FAF1: variants seen among roughly 807,000 people sequenced by gnomAD.
FAF1 encodes Fas associated factor 1.
Under a neutral mutation model 92.5 loss-of-function variants are expected in FAF1, and 25 were observed. The ratio of observed to expected loss-of-function variants is 0.27; its 90% CI spans 0.20 to 0.38. The LOEUF (loss-of-function observed/expected upper bound fraction) is 0.38. Ranked by LOEUF, FAF1 falls within the 10% of genes least tolerant of loss-of-function variation. FAF1 has a pLI of 1.00. For missense variants in FAF1, 636 were observed against 793.3 expected, an observed-to-expected ratio of 0.80 and a Z score of 2.38; for synonymous variants, 234 against 273.2, an observed-to-expected ratio of 0.86 and a Z score of 1.42.
intron 8 of FAF1, among the ~76,000 whole-genome samples, chr1:50,648,714 G>A (rs536667900): frequency 7.2e-5 from 11 of 152,224 alleles, no homozygotes; most frequent in African/African-American, 2.2e-4. Flanking sequence ...ATCACCTGAG[G>A]TAGGAAGTTC....
chr1:50,713,457 A>T (rs1569818370), intron 6 of FAF1, among the ~76,000 whole-genome samples: 1 of 151,988 alleles, frequency 6.6e-6, no homozygotes, highest in Non-Finnish European at 1.5e-5. Flanking sequence ...TATTTTTAGT[A>T]GAGACGGTGT....
intron 2 of FAF1, among the ~76,000 whole-genome samples, chr1:50,829,388 A>T (rs924973307): frequency 1.3e-5 from 2 of 152,130 alleles, no homozygotes; most frequent in African/African-American, 4.8e-5. Context: ...TTTTAATGAG[A>T]TCTCACAGTT....
At chr1:50,887,076 C>G (rs1265410681) in intron 1 of FAF1, among the ~76,000 whole-genome samples, 1 of 152,218 alleles carries the variant, frequency 6.6e-6, no homozygotes, top group Non-Finnish European at 1.5e-5. Context: ...GCCATTCTAA[C>G]TGGTGTGAGA....
intron 15 of FAF1, among the ~76,000 whole-genome samples, chr1:50,525,823 A>G (rs772641816): frequency 7.2e-5 from 11 of 152,172 alleles, no homozygotes; most frequent in African/African-American, 9.7e-5. Context: ...TCAGAGTTAC[A>G]GATTATGTTG....
At chr1:50,603,217 T>C (rs1652226695) in intron 8 of FAF1, among the ~76,000 whole-genome samples, 1 of 152,214 alleles carries the variant, frequency 6.6e-6, no homozygotes, top group African/African-American at 2.4e-5. Flanking sequence ...ATACCATCCA[T>C]TAGTCAGAAA....
At chr1:50,913,981 A>C (rs1644904086) in intron 1 of FAF1, among the ~76,000 whole-genome samples, 1 of 152,226 alleles carries the variant, frequency 6.6e-6, no homozygotes, top group African/African-American at 2.4e-5. Context: ...CCTGTGGTCA[A>C]TGTAAAAATG....
intron 18 of FAF1, among the ~76,000 whole-genome samples, chr1:50,460,642 CT>C (rs772133324): frequency 2.7e-5 from 4 of 149,558 alleles, no homozygotes; most frequent in African/African-American, 7.4e-5. Flanking sequence ...TATACACACA[CT>C]TTTTTTTTGA....
intron 2 of FAF1, among the ~76,000 whole-genome samples, chr1:50,847,701 C>G (rs950072171): frequency 6.6e-5 from 10 of 152,096 alleles, no homozygotes; most frequent in African/African-American, 2.4e-4. Flanking sequence ...CTAGAGGGAG[C>G]TGGTGGGCTC....
At chr1:50,950,360 C>A (rs995090594) in intron 1 of FAF1, among the ~76,000 whole-genome samples, 47 of 152,168 alleles carry the variant, frequency 3.1e-4, no homozygotes, top group African/African-American at 1.1e-3. Flanking sequence ...TTACTAAAAC[C>A]TAGAAAAGTA....
chr1:50,553,056 A>T (rs1649388213), intron 13 of FAF1, among the ~76,000 whole-genome samples: 1 of 152,228 alleles, frequency 6.6e-6, no homozygotes, highest in African/African-American at 2.4e-5. Flanking sequence ...AAGTATCACA[A>T]GGAAATTACA....
At chr1:50,836,656 G>T (rs1011995743) in intron 2 of FAF1, among the ~76,000 whole-genome samples, 2 of 151,946 alleles carry the variant, frequency 1.3e-5, no homozygotes, top group African/African-American at 4.8e-5. Context: ...ATCCTTTCTG[G>T]CCAAATACAT....
chr1:50,630,825 T>A (rs1653742249), intron 8 of FAF1, among the ~76,000 whole-genome samples: 1 of 140,810 alleles, frequency 7.1e-6, no homozygotes, highest in Non-Finnish European at 1.5e-5. Context: ...TAGTGTATCA[T>A]ATCTTTTTTT....
At chr1:50,535,805 A>G (rs1303109412) in intron 14 of FAF1, among the ~76,000 whole-genome samples, 3 of 152,194 alleles carry the variant, frequency 2.0e-5, no homozygotes, top group Non-Finnish European at 2.9e-5. Flanking sequence ...AACAACTACC[A>G]ATTGTTTATA....
Position 50,485,580 on chromosome 1 carries a change from T to G in FAF1, c.1653+5008A>C, listed in dbSNP as rs186533871. Among the ~76,000 whole-genome samples, 50 of 141,974 alleles carry G rather than the reference T, an allele frequency of 3.5e-4. 4 individuals carry two copies. Among genetic ancestry groups the G allele is most frequent in the African/African-American group, 1.3e-3 (49 of 37,226 alleles). 93.1% of individuals were successfully genotyped at this position (141,974 alleles called of 152,430 possible). On this transcript the variant is annotated intron_variant, in intron 17 of 18. Coordinates refer to ENST00000396153, the MANE Select transcript of FAF1 (RefSeq NM_007051.3). ...AGGAGGCTGAGGCAGGGGAATCACT[T>G]GAACCCAGGAGGCAGAGGTTGCAGT...
intron 1 of FAF1, among the ~76,000 whole-genome samples, chr1:50,860,266 A>G (rs1166548396): frequency 1.3e-5 from 2 of 152,156 alleles, no homozygotes; most frequent in Non-Finnish European, 2.9e-5. Flanking sequence ...AGACCTAATT[A>G]TACTAAAGAG....
At chr1:50,952,106 A>G (rs1490026136) in intron 1 of FAF1, among the ~76,000 whole-genome samples, 1 of 152,062 alleles carries the variant, frequency 6.6e-6, no homozygotes, top group Non-Finnish European at 1.5e-5. Flanking sequence ...TCCCCTTTCT[A>G]CGGTCTCCAT....
intron 7 of FAF1, among the ~76,000 whole-genome samples, chr1:50,659,312 G>A (rs1311620140): frequency 6.6e-6 from 1 of 151,866 alleles, no homozygotes; most frequent in Non-Finnish European, 1.5e-5. Context: ...GAGGAAGATG[G>A]AGGGTAAAGA....
intron 2 of FAF1, among the ~76,000 whole-genome samples, chr1:50,847,419 T>TA (rs57172783): frequency 0.092 from 10,957 of 119,534 alleles, 460 homozygotes; most frequent in Non-Finnish European, 0.11. Context: ...TGCCTGAAAT[T>TA]AAAAAAAAAA....
At chr1:50,957,477 G>A (rs866348735) in intron 1 of FAF1, among the ~76,000 whole-genome samples, 47 of 147,896 alleles carry the variant, frequency 3.2e-4, no homozygotes, top group African/African-American at 1.1e-3. Flanking sequence ...TCAGCCTCCC[G>A]AGTAGCTGGG....
Sources: allele counts gnomAD v4.1 joint callset (sites outside exome capture counted in the v4.1 genomes callset), GRCh38; gene constraint gnomAD v4.1.1; transcripts MANE v1.5; gene names NCBI Gene and HGNC (gene_info 2026-07-23, HGNC 2026-07-21).